The following MINDY4 variants were observed in gnomAD, a reference collection of about 807,000 sequenced individuals.
MINDY4 encodes probable ubiquitin carboxyl-terminal hydrolase MINDY-4.
A neutral mutation model predicts 87.0 loss-of-function variants in MINDY4; 68 were observed. That is an observed-to-expected ratio of 0.78 (90% confidence interval 0.64 to 0.96). The LOEUF (loss-of-function observed/expected upper bound fraction) is 0.96, where lower values mean the gene tolerates loss of function less well. Among genes scored for constraint, MINDY4 ranks in the 40% least tolerant of loss-of-function variants. MINDY4 has a pLI of 0.00. For synonymous variants in MINDY4, 379 were observed against 363.2 expected (o/e 1.04, Z -0.50); for missense variants, 919 against 928.2 (o/e 0.99, Z 0.13).
intron 6 of MINDY4, among the ~76,000 whole-genome samples, chr7:30,835,296 C>T (rs1395064981): frequency 6.6e-6 from 1 of 152,178 alleles, no homozygotes; most frequent in African/African-American, 2.4e-5. Context: ...CTTGTGCAGG[C>T]AAACTCCTGT....
intron 5 of MINDY4, among the ~76,000 whole-genome samples, chr7:30,794,699 C>A (rs896309088): frequency 6.6e-6 from 1 of 152,170 alleles, no homozygotes; most frequent in Non-Finnish European, 1.5e-5. Context: ...AAATATGTCA[C>A]CTGGACTCCC....
chr7:30,879,551 C>T (rs1490194737), intron 15 of MINDY4, among the ~76,000 whole-genome samples: 1 of 152,250 alleles, frequency 6.6e-6, no homozygotes, highest in Non-Finnish European at 1.5e-5. Flanking sequence ...CCACCTCAGC[C>T]CGCACCACTC....
intron 9 of MINDY4, among the ~76,000 whole-genome samples, chr7:30,841,472 A>T (rs1201712682): frequency 6.6e-6 from 1 of 152,076 alleles, no homozygotes; most frequent in Non-Finnish European, 1.5e-5. Context: ...ATCCCATACC[A>T]TCGTTGGTGC....
chr7:30,786,124 G>A, intron 4 of MINDY4, 132 bp downstream of exon 4: 1 of 1,225,040 alleles, frequency 8.2e-7, no homozygotes, highest in Non-Finnish European at 1.1e-6. Flanking sequence ...GGGGTGGGAA[G>A]AACAGTGCCT....
chr7:30,859,102 G>GGTCA, intron 12 of MINDY4, 155 bp from the exon 13 acceptor site: 1 of 735,690 alleles, frequency 1.4e-6, no homozygotes, highest in Non-Finnish European at 2.5e-6. Flanking sequence ...TCCTTTAGGA[G>GGTCA]GTCAGCCTTC....
intron 5 of MINDY4, among the ~76,000 whole-genome samples, chr7:30,809,801 A>G (rs184537839): frequency 2.6e-5 from 4 of 152,064 alleles, no homozygotes; most frequent in East Asian, 1.9e-4. Context: ...AAAGGGGGAA[A>G]AAAAAGGGGG....
At chr7:30,808,811 C>T (rs111930854) in intron 5 of MINDY4, among the ~76,000 whole-genome samples, 1 of 151,960 alleles carries the variant, frequency 6.6e-6, no homozygotes, top group Non-Finnish European at 1.5e-5. Flanking sequence ...AGAGCCCCGT[C>T]GTCGGCCCTC....
chr7:30,852,216 G>T lies in MINDY4; in HGVS notation c.1548G>T (p.Leu516=). The T allele has an allele frequency of 6.2e-7, 1 of 1,613,960 alleles. No homozygotes were observed. Among genetic ancestry groups the T allele is most frequent in the Non-Finnish European group, 8.5e-7 (1 of 1,179,966 alleles). ...AGGRERAVVA[L]ASRTQQFSPT... is the part of the protein sequence containing the mutation. ...TCATGCACCTTCCTTTCCTTTTTAGGGCTTCGAGAACACAGCAGTTCAGTC... is the reference window on the plus strand; with the variant it reads ...TCATGCACCTTCCTTTCCTTTTTAGTGCTTCGAGAACACAGCAGTTCAGTC... The change falls in exon 11 of 18, where the codon CTG becomes CTT. Residue 516 remains leucine, a splice_region_variant and synonymous_variant. Coordinates refer to ENST00000265299, the MANE Select transcript of MINDY4 (RefSeq NM_032222.3).
intron 5 of MINDY4, among the ~76,000 whole-genome samples, chr7:30,800,654 G>A (rs1562535071): frequency 6.6e-6 from 1 of 152,204 alleles, no homozygotes; most frequent in East Asian, 1.9e-4. Flanking sequence ...GCTTGGAGAG[G>A]CAGTGTTTAA....
chr7:30,829,003 A>AT (rs924251742), intron 6 of MINDY4, among the ~76,000 whole-genome samples: 2 of 152,114 alleles, frequency 1.3e-5, no homozygotes, highest in East Asian at 1.9e-4. Flanking sequence ...TGCTTTTGGT[A>AT]TTTTTTTAGG....
intron 13 of MINDY4, among the ~76,000 whole-genome samples, chr7:30,870,964 G>A (rs1316970692): frequency 1.3e-5 from 2 of 149,596 alleles, no homozygotes; most frequent in African/African-American, 4.9e-5. Context: ...CCAGAGTCAA[G>A]TGTGCCTCTC....
chr7:30,797,401 A>G (rs1023088344), intron 5 of MINDY4, among the ~76,000 whole-genome samples: 1 of 152,246 alleles, frequency 6.6e-6, no homozygotes, highest in South Asian at 2.1e-4. Flanking sequence ...CTGCTATTTT[A>G]TAAAGAGGTA....
intron 8 of MINDY4, among the ~76,000 whole-genome samples, chr7:30,839,820 T>C (rs1418051815): frequency 2.0e-5 from 3 of 151,992 alleles, no homozygotes; most frequent in Admixed American, 6.5e-5. Flanking sequence ...AAGGATGTAA[T>C]AGAAGCTGGG....
intron 5 of MINDY4, among the ~76,000 whole-genome samples, chr7:30,825,964 T>C (rs1283247420): frequency 6.6e-6 from 1 of 152,226 alleles, no homozygotes; most frequent in Non-Finnish European, 1.5e-5. Context: ...ATTTGTTTCC[T>C]TGCCCTTTTC....
chr7:30,794,722 G>T (rs773619015), intron 5 of MINDY4, among the ~76,000 whole-genome samples: 2 of 152,204 alleles, frequency 1.3e-5, no homozygotes, highest in Non-Finnish European at 1.5e-5. Flanking sequence ...TGTGGGGGTT[G>T]TGGCTGTTTG....
At chr7:30,830,604 A>G (rs1051383127) in intron 6 of MINDY4, among the ~76,000 whole-genome samples, 2 of 151,800 alleles carry the variant, frequency 1.3e-5, no homozygotes, top group Admixed American at 6.6e-5. Context: ...ATCAAATCTC[A>G]TGAGAACTCA....
At chr7:30,775,345 A>T (rs1240430256) in intron 1 of MINDY4, among the ~76,000 whole-genome samples, 1 of 152,208 alleles carries the variant, frequency 6.6e-6, no homozygotes, top group Non-Finnish European at 1.5e-5. Context: ...AACTCGGAGA[A>T]ACACTTTACT....
At chr7:30,771,747 C>T (rs528986558) in intron 1 of MINDY4, among the ~76,000 whole-genome samples, 191 bp downstream of exon 1, 2 of 152,230 alleles carry the variant, frequency 1.3e-5, no homozygotes, top group Admixed American at 6.5e-5. Context: ...GCGTTTCTGC[C>T]GTCGTCACCG....
chr7:30,821,754 G>T (rs1788336874), intron 5 of MINDY4, among the ~76,000 whole-genome samples: 3 of 130,712 alleles, frequency 2.3e-5, no homozygotes, highest in Admixed American at 2.1e-4. Flanking sequence ...CCTTCGTGCA[G>T]TTTATCTCTC....
Sources: allele counts gnomAD v4.1 joint callset (sites outside exome capture counted in the v4.1 genomes callset), GRCh38; gene constraint gnomAD v4.1.1; transcripts MANE v1.5; gene names NCBI Gene and HGNC (gene_info 2026-07-23, HGNC 2026-07-21).